The following MTMR7 variants were observed in gnomAD, a reference collection of about 807,000 sequenced individuals.
MTMR7 encodes phosphatidylinositol-3-phosphate phosphatase MTMR7.
In MTMR7, 76 loss-of-function variants were observed where a neutral mutation model predicts 81.2. That is an observed-to-expected ratio of 0.94 (90% CI 0.78 to 1.13). MTMR7 has a LOEUF of 1.13. Ranked by LOEUF, MTMR7 falls within the 50% of genes most tolerant of loss-of-function variation. MTMR7 has a pLI of 0.00. For synonymous variants in MTMR7, 372 were observed against 289.8 expected (o/e 1.28, Z -2.88); for missense variants, 1,044 against 820.0 (o/e 1.27, Z -3.34).
chr8:17,374,205 G>C (rs1031104884), intron 1 of MTMR7, among the ~76,000 whole-genome samples: 1 of 152,208 alleles, frequency 6.6e-6, no homozygotes, highest in Non-Finnish European at 1.5e-5. Flanking sequence ...AGAAGCTGTG[G>C]GCCGGTGCAG....
intron 1 of MTMR7, among the ~76,000 whole-genome samples, chr8:17,395,224 C>A (rs1181028181): frequency 6.6e-6 from 1 of 152,096 alleles, no homozygotes; most frequent in African/African-American, 2.4e-5. Flanking sequence ...CAAGGTTCAC[C>A]CATATTGTAG....
chr8:17,313,426 AG>A, intron 7 of MTMR7, 25 bp from the exon 8 acceptor site: 1 of 1,453,064 alleles, frequency 6.9e-7, no homozygotes, highest in Non-Finnish European at 9.6e-7. Flanking sequence ...ATGTTATAAA[AG>A]CAAAATTAAG....
At chr8:17,347,661 T>C (rs1245424971) in intron 5 of MTMR7, among the ~76,000 whole-genome samples, 1 of 152,200 alleles carries the variant, frequency 6.6e-6, no homozygotes, top group African/African-American at 2.4e-5. Context: ...ACCACCTTTT[T>C]TAAAGGTGGT....
chr8:17,344,502 T>C (rs1185422750), intron 5 of MTMR7, among the ~76,000 whole-genome samples: 1 of 151,978 alleles, frequency 6.6e-6, no homozygotes, highest in Non-Finnish European at 1.5e-5. Flanking sequence ...TCCCAGCTGC[T>C]TGGGAGGCTG....
chr8:17,321,456 T>C (rs1818384777), intron 7 of MTMR7, among the ~76,000 whole-genome samples: 1 of 152,232 alleles, frequency 6.6e-6, no homozygotes, highest in Non-Finnish European at 1.5e-5. Context: ...CACCAGTTTC[T>C]CAAGCAAAGT....
chr8:17,329,215 G>A (rs1818861957), intron 7 of MTMR7, among the ~76,000 whole-genome samples: 1 of 152,202 alleles, frequency 6.6e-6, no homozygotes, highest in South Asian at 2.1e-4. Context: ...GCTGTTTGAA[G>A]GAGGAAAAGC....
intron 9 of MTMR7, among the ~76,000 whole-genome samples, chr8:17,310,301 T>C (rs1817713927): frequency 6.6e-6 from 1 of 152,132 alleles, no homozygotes; most frequent in African/African-American, 2.4e-5. Context: ...ACACCCAGCC[T>C]GGATTTTAAA....
At chr8:17,331,330 CAAT>C (rs1392808574) in intron 6 of MTMR7, 48 bp from the exon 7 acceptor site, 6 of 1,531,156 alleles carry the variant, frequency 3.9e-6, no homozygotes, top group East Asian at 2.3e-5. Context: ...ATTGATGAAA[CAAT>C]GATGAAACAA....
chr8:17,330,289 G>A (rs1318867413), intron 7 of MTMR7, among the ~76,000 whole-genome samples: 2 of 152,186 alleles, frequency 1.3e-5, no homozygotes, highest in African/African-American at 4.8e-5. Flanking sequence ...TTCCCATCAA[G>A]ACAGCCCACT....
intron 1 of MTMR7, 69 bp from the exon 2 acceptor site, chr8:17,373,309 CAG>C (rs1384569247): frequency 4.6e-6 from 7 of 1,532,212 alleles, no homozygotes; most frequent in Non-Finnish European, 6.2e-6. Context: ...TAAATGATAA[CAG>C]GGTAAACTCA....
chr8:17,350,189 G>C lies in MTMR7; in HGVS notation c.469-1108C>G, dbSNP rs139202091. On this transcript the variant is annotated intron_variant, in intron 4 of 13. Transcript: ENST00000180173. Reference sequence around the variant, plus strand: ...TATGTCAGGCACCTCTTTACTTCCTGGATGTCAAACATCTTCCTCGTCATC... The same window carrying C: ...TATGTCAGGCACCTCTTTACTTCCTCGATGTCAAACATCTTCCTCGTCATC... 4.1e-3 allele frequency among the ~76,000 whole-genome samples: 629 copies of C among 152,298 alleles called. 2 individuals carry two copies. Among genetic ancestry groups the C allele is most frequent in the African/African-American group, 0.014 (594 of 41,560 alleles).
chr8:17,329,834 T>C (rs761462252), intron 7 of MTMR7, among the ~76,000 whole-genome samples: 3 of 152,206 alleles, frequency 2.0e-5, no homozygotes, highest in African/African-American at 2.4e-5. Flanking sequence ...GCCCAGGGTA[T>C]GATCACTGTG....
At chr8:17,330,269 G>C (rs1241384850) in intron 7 of MTMR7, among the ~76,000 whole-genome samples, 1 of 152,204 alleles carries the variant, frequency 6.6e-6, no homozygotes, top group African/African-American at 2.4e-5. Context: ...CTTCATTCCA[G>C]AGCCTGCATT....
chr8:17,403,655 T>G (rs1821492113), intron 1 of MTMR7, among the ~76,000 whole-genome samples: 1 of 152,204 alleles, frequency 6.6e-6, no homozygotes, highest in African/African-American at 2.4e-5. Context: ...GTAGATTGCT[T>G]TGGGTTGTAT....
chr8:17,413,203 C>T (rs369536197), intron 1 of MTMR7, 66 bp downstream of exon 1: 1,028 of 1,526,996 alleles, frequency 6.7e-4, no homozygotes, highest in Non-Finnish European at 8.3e-4. Flanking sequence ...CCCGCGCGCT[C>T]AGCATCCCTC....
intron 1 of MTMR7, among the ~76,000 whole-genome samples, chr8:17,405,987 T>C (rs1821571943): frequency 6.9e-6 from 1 of 145,080 alleles, no homozygotes; most frequent in South Asian, 2.1e-4. Context: ...CAAATATTTC[T>C]GGATTTATGC....
chr8:17,318,826 C>T lies in MTMR7; in HGVS notation c.866-5425G>A, dbSNP rs1458064380. On this transcript the variant is annotated intron_variant, in intron 7 of 13. Transcript: ENST00000180173. ...CAGCTGACACAGGAGAAGCAGCCTC[C>T]ACAGGCATCCTCTCCAGCCCCTGCT... Among the ~76,000 whole-genome samples, 10 of 152,322 alleles carry T rather than the reference C, an allele frequency of 6.6e-5. No homozygotes were observed. In the East Asian group the frequency reaches 1.9e-3, roughly 29 times the overall value.
chr8:17,334,349 G>A (rs556597351), intron 6 of MTMR7, among the ~76,000 whole-genome samples: 7 of 152,244 alleles, frequency 4.6e-5, no homozygotes, highest in African/African-American at 1.2e-4. Context: ...TAAACAAATC[G>A]CTATTACTAC....
At chr8:17,315,347 GAAAT>G (rs1387660882) in intron 7 of MTMR7, among the ~76,000 whole-genome samples, 1 of 152,132 alleles carries the variant, frequency 6.6e-6, no homozygotes, top group Non-Finnish European at 1.5e-5. Flanking sequence ...GGTTGTGAGG[GAAAT>G]AAATAGGTGG....
Sources: allele counts gnomAD v4.1 joint callset (sites outside exome capture counted in the v4.1 genomes callset), GRCh38; gene constraint gnomAD v4.1.1; transcripts MANE v1.5; gene names NCBI Gene and HGNC (gene_info 2026-07-23, HGNC 2026-07-21).